The following NTNG1 variants were observed in gnomAD, a reference collection of about 807,000 sequenced individuals.
NTNG1 encodes the protein netrin-G1.
A neutral mutation model predicts 54.0 loss-of-function variants in NTNG1; 16 were observed. The observed-to-expected ratio is 0.30, with a 90% CI of 0.20 to 0.45. The LOEUF (loss-of-function observed/expected upper bound fraction) is 0.45, where lower values mean the gene tolerates loss of function less well. Ranked by LOEUF, NTNG1 falls within the 20% of genes least tolerant of loss-of-function variation. NTNG1 has a pLI of 1.00. For synonymous variants in NTNG1, 255 were observed against 263.1 expected, an observed-to-expected ratio of 0.97 and a Z score of 0.30; for missense variants, 530 against 678.7, an observed-to-expected ratio of 0.78 and a Z score of 2.43.
chr1:107,438,558 C>T (rs1034664231), intron 7 of NTNG1, among the ~76,000 whole-genome samples: 1 of 152,038 alleles, frequency 6.6e-6, no homozygotes, highest in East Asian at 1.9e-4. Flanking sequence ...GAGGAAAAAT[C>T]AAAACCAGCA....
At chr1:107,145,642 T>G (rs1654046291) in intron 1 of NTNG1, among the ~76,000 whole-genome samples, 1 of 152,110 alleles carries the variant, frequency 6.6e-6, no homozygotes, top group Non-Finnish European at 1.5e-5. Context: ...ATTAATAATA[T>G]GTCTGTAATG....
chr1:107,272,485 G>C (rs1664211893), intron 2 of NTNG1, among the ~76,000 whole-genome samples: 2 of 152,082 alleles, frequency 1.3e-5, no homozygotes, highest in African/African-American at 4.8e-5. Flanking sequence ...TGGGAACATG[G>C]TATTCAAATC....
intron 5 of NTNG1, among the ~76,000 whole-genome samples, chr1:107,414,650 G>A (rs1019557044): frequency 1.3e-5 from 2 of 151,990 alleles, no homozygotes; most frequent in African/African-American, 2.4e-5. Flanking sequence ...TTCCTACTTC[G>A]AGTCAGTAAC....
intron 2 of NTNG1, among the ~76,000 whole-genome samples, chr1:107,190,746 G>A (rs1401539723): frequency 6.6e-6 from 1 of 152,054 alleles, no homozygotes; most frequent in African/African-American, 2.4e-5. Context: ...TCCCTACAAG[G>A]GACATGAACT....
chr1:107,273,025 G>A (rs1189591375), intron 2 of NTNG1, among the ~76,000 whole-genome samples: 1 of 152,152 alleles, frequency 6.6e-6, no homozygotes, highest in African/African-American at 2.4e-5. Context: ...TAATAAAGAT[G>A]CAAAGATCAA....
At chr1:107,356,971 C>G (rs1669971055) in intron 3 of NTNG1, among the ~76,000 whole-genome samples, 1 of 152,148 alleles carries the variant, frequency 6.6e-6, no homozygotes, top group African/African-American at 2.4e-5. Flanking sequence ...CCACTGCACT[C>G]CAGCCTGGGC....
intron 2 of NTNG1, among the ~76,000 whole-genome samples, chr1:107,254,974 A>G (rs1044253430): frequency 4.6e-5 from 7 of 152,296 alleles, no homozygotes; most frequent in African/African-American, 1.7e-4. Context: ...TTTGACCTTA[A>G]TATTTGCATC....
chr1:107,159,000 T>C (rs531121349), intron 2 of NTNG1, among the ~76,000 whole-genome samples: 4 of 152,238 alleles, frequency 2.6e-5, no homozygotes, highest in African/African-American at 9.6e-5. Flanking sequence ...TTTTTGAAAA[T>C]GACATTCAAA....
chr1:107,279,198 A>G (rs956539666), intron 2 of NTNG1, among the ~76,000 whole-genome samples: 25 of 152,222 alleles, frequency 1.6e-4, no homozygotes, highest in Non-Finnish European at 2.9e-4. Context: ...ATTGCTTAAA[A>G]TAATGTCACA....
intron 2 of NTNG1, among the ~76,000 whole-genome samples, chr1:107,160,679 A>G (rs1430619657): frequency 6.6e-6 from 1 of 151,946 alleles, no homozygotes; most frequent in Non-Finnish European, 1.5e-5. Context: ...GGAACTTCCT[A>G]TCTAATCTGG....
chr1:107,390,388 T>C (rs756172773), intron 3 of NTNG1, among the ~76,000 whole-genome samples: 23 of 152,218 alleles, frequency 1.5e-4, no homozygotes, highest in Admixed American at 1.2e-3. Context: ...CTTTGTTTTT[T>C]TCTCTCCCCT....
rs534984175 is a variant in NTNG1 at position 107,319,209 on chromosome 1, G to A, written c.247-5073G>A. Among the ~76,000 whole-genome samples, 197 of 152,200 alleles carry A rather than the reference G, an allele frequency of 1.3e-3. 1 individual carries two copies. The highest frequency in any genetic ancestry group is 4.6e-3 in the African/African-American group (192 of 41,534). On this transcript the variant is annotated intron_variant, in intron 2 of 7. Transcript: ENST00000370068. ...TCTTCAGAAAAGTCACAAAGAAGGG[G>A]CCTTCCCATGCTATAGCCAAGCAAG... is the stretch of plus-strand genomic sequence containing the variant.
chr1:107,266,815 A>T (rs747298241), intron 2 of NTNG1, among the ~76,000 whole-genome samples: 4 of 151,994 alleles, frequency 2.6e-5, no homozygotes, highest in Admixed American at 6.6e-5. Flanking sequence ...TTAGCATTTC[A>T]GCCAGTGGGA....
At chr1:107,384,608 A>C (rs1671850687) in intron 3 of NTNG1, among the ~76,000 whole-genome samples, 1 of 152,294 alleles carries the variant, frequency 6.6e-6, no homozygotes, top group East Asian at 1.9e-4. Flanking sequence ...AATTTTCTCA[A>C]GAACAGAGCC....
rs1040450992 is a variant in NTNG1 at position 107,238,770 on chromosome 1, T to G, written c.247-85512T>G. 3.3e-5 allele frequency among the ~76,000 whole-genome samples: 5 copies of G among 151,534 alleles called. No individual in the cohort carries two copies. The South Asian group carries it at 1.0e-3, about 32-fold the overall frequency. On this transcript the variant is annotated intron_variant, in intron 2 of 7. Coordinates refer to ENST00000370068, the MANE Select transcript of NTNG1 (RefSeq NM_001113226.3). ...TGACTGTGAGGTCTCCCCAGCCATGTGGAACTGTGAGTCCAATTAAACACT... is the reference window on the plus strand; with the variant it reads ...TGACTGTGAGGTCTCCCCAGCCATGGGGAACTGTGAGTCCAATTAAACACT...
chr1:107,185,576 G>A (rs922627789), intron 2 of NTNG1, among the ~76,000 whole-genome samples: 1 of 152,156 alleles, frequency 6.6e-6, no homozygotes, highest in Non-Finnish European at 1.5e-5. Context: ...TCTAAAGAAG[G>A]TCACTTTCTG....
At chr1:107,167,321 A>G (rs1462625121) in intron 2 of NTNG1, among the ~76,000 whole-genome samples, 1 of 151,932 alleles carries the variant, frequency 6.6e-6, no homozygotes, top group African/African-American at 2.4e-5. Context: ...ATGACAGAAC[A>G]TCGGCATTAC....
chr1:107,372,493 T>C (rs1028043971), intron 3 of NTNG1, among the ~76,000 whole-genome samples: 7 of 152,138 alleles, frequency 4.6e-5, no homozygotes, highest in African/African-American at 1.4e-4. Flanking sequence ...TTTTCTGTTA[T>C]GAATTTTCAG....
chr1:107,288,921 G>A (rs1665395705), intron 2 of NTNG1, among the ~76,000 whole-genome samples: 1 of 152,124 alleles, frequency 6.6e-6, no homozygotes, highest in Non-Finnish European at 1.5e-5. Flanking sequence ...TAAAGGTCAA[G>A]ATAAGTTTTT....
Sources: allele counts gnomAD v4.1 joint callset (sites outside exome capture counted in the v4.1 genomes callset), GRCh38; gene constraint gnomAD v4.1.1; transcripts MANE v1.5; gene names NCBI Gene and HGNC (gene_info 2026-07-23, HGNC 2026-07-21).